The following MKRN2OS variants were observed in gnomAD, a reference collection of about 807,000 sequenced individuals.
MKRN2OS encodes the protein MKRN2 opposite strand.
MKRN2OS carries 17 observed loss-of-function variants against 18.2 expected under a neutral mutation model. That is an observed-to-expected ratio of 0.93 (90% CI 0.64 to 1.40). The LOEUF is 1.40. Ranked by LOEUF, MKRN2OS falls within the 40% of genes most tolerant of loss-of-function variation. The probability of loss-of-function intolerance (pLI) is 0.00; values close to 1 mark genes in which losing one functional copy is unlikely to be tolerated. For missense variants in MKRN2OS, 337 were observed against 283.0 expected (o/e 1.19, Z -1.37); for synonymous variants, 121 against 108.5 (o/e 1.12, Z -0.72).
intron 1 of MKRN2OS, among the ~76,000 whole-genome samples, chr3:12,556,005 T>C (rs1271024266): frequency 6.6e-6 from 1 of 151,878 alleles, no homozygotes; most frequent in South Asian, 2.1e-4. Context: ...TGGGTGGTAG[T>C]TTCATGAGTG....
chr3:12,540,829 G>T (rs1206002798), intron 3 of MKRN2OS, among the ~76,000 whole-genome samples: 2 of 138,186 alleles, frequency 1.4e-5, no homozygotes, highest in Non-Finnish European at 3.0e-5. Flanking sequence ...AGCCAAGATC[G>T]CACCACTGTA....
At chr3:12,546,666 C>T (rs1423781322), upstream of MKRN2OS, among the ~76,000 whole-genome samples, 11 of 144,390 alleles carry the variant, frequency 7.6e-5, no homozygotes, top group Admixed American at 3.6e-4. Flanking sequence ...CTGCAACCTC[C>T]GCCTCCTGGG....
At position 12,540,118 on chromosome 3, in the gene MKRN2OS, T is replaced by C. The variant is rs2057772931; in HGVS notation, c.*75A>G. The C allele has an allele frequency of 1.4e-5, 21 of 1,522,058 alleles. No homozygotes were observed. Among genetic ancestry groups the C allele is most frequent in the Non-Finnish European group, 1.8e-5 (21 of 1,136,764 alleles). 94.3% of individuals were successfully genotyped at this position (1,522,058 alleles called of 1,614,324 possible). A position where few individuals can be genotyped will look rare whatever the true frequency, so the allele number is the denominator to read the frequency against. ...CTTTTATTAACCACAGTTAAATGCA[T>C]TTAGAAATCCATAGTACTGATTAAA... On this transcript the variant is annotated 3_prime_UTR_variant, in exon 4 of 4. Coordinates refer to ENST00000564146, the MANE Select transcript of MKRN2OS (RefSeq NM_001195279.2).
At chr3:12,557,204 G>A (rs1298003212) in intron 1 of MKRN2OS, 7 of 1,532,512 alleles carry the variant, frequency 4.6e-6, no homozygotes, top group Non-Finnish European at 6.1e-6. Context: ...AGGAGCTTCG[G>A]GCCGCTCCCC....
chr3:12,560,021 T>C (rs1487304668), intron 1 of MKRN2OS, among the ~76,000 whole-genome samples: 1 of 152,210 alleles, frequency 6.6e-6, no homozygotes, highest in Non-Finnish European at 1.5e-5. Flanking sequence ...GGTTGGGCAG[T>C]TCTGGATTCT....
chr3:12,554,847 C>A (rs2057955114), intron 1 of MKRN2OS, among the ~76,000 whole-genome samples: 1 of 152,028 alleles, frequency 6.6e-6, no homozygotes, highest in Non-Finnish European at 1.5e-5. Context: ...ATAACAGTGG[C>A]CAGGTTTTGA....
At chr3:12,543,083 A>G in intron 2 of MKRN2OS, 97 bp downstream of exon 2, 1 of 969,406 alleles carries the variant, frequency 1.0e-6, no homozygotes, top group Non-Finnish European at 1.5e-6. Flanking sequence ...TGAACAATGG[A>G]ATCACTTATT....
chr3:12,548,226 A>G (rs534232878), upstream of MKRN2OS, among the ~76,000 whole-genome samples: 171 of 152,258 alleles, frequency 1.1e-3, no homozygotes, highest in Non-Finnish European at 1.6e-3. Flanking sequence ...AGGCGGGTGG[A>G]TCACGAGGTC....
chr3:12,553,204 T>C (rs2057942319), downstream of MKRN2OS, among the ~76,000 whole-genome samples: 1 of 152,126 alleles, frequency 6.6e-6, no homozygotes, highest in African/African-American at 2.4e-5. Context: ...TACCAGCACC[T>C]GGCATGGACA....
rs535516352 is a variant in MKRN2OS at position 12,555,290 on chromosome 3, T to C, written n.265-1156A>G. Among the ~76,000 whole-genome samples the C allele has an allele frequency of 1.5e-3, 184 of 126,250 alleles. 1 individual carries two copies. The highest frequency in any genetic ancestry group is 5.4e-3 in the African/African-American group (166 of 30,782). The allele number at this position is 126,250 out of a possible 152,430, so 82.8% of individuals were successfully genotyped here. ...GCATGCCACTGCACTCCAGCCTGGG[T>C]GACAGAGCAAGACTCCGTCTCAAAA... On this transcript the variant is annotated intron_variant and non_coding_transcript_variant, in intron 1 of 1. Transcript: ENST00000447550.
At chr3:12,558,079 T>G (rs2057998319) in intron 1 of MKRN2OS, among the ~76,000 whole-genome samples, 1 of 152,230 alleles carries the variant, frequency 6.6e-6, no homozygotes, top group South Asian at 2.1e-4. Context: ...CATTTAATAA[T>G]TTTTATGGGA....
Position 12,540,132 on chromosome 3 carries a change from G to T in MKRN2OS, c.*61C>A, listed in dbSNP as rs2057773192. The T allele has an allele frequency of 1.3e-6, 2 of 1,533,078 alleles. No homozygotes were observed. Among genetic ancestry groups the T allele is most frequent in the Admixed American group, 2.0e-5 (1 of 50,918 alleles). 95.0% of individuals were successfully genotyped at this position (1,533,078 alleles called of 1,614,324 possible). Reference sequence around the variant, plus strand: ...AGTTAAATGCATTTAGAAATCCATAGTACTGATTAAAGGTAGCAACCACCC... The same window carrying T: ...AGTTAAATGCATTTAGAAATCCATATTACTGATTAAAGGTAGCAACCACCC... On this transcript the variant is annotated 3_prime_UTR_variant, in exon 4 of 4. Coordinates refer to ENST00000564146, the MANE Select transcript of MKRN2OS (RefSeq NM_001195279.2).
Position 12,555,050 on chromosome 3 carries a change from C to T in MKRN2OS, n.265-916G>A, listed in dbSNP as rs183568971. ...ATGGGCTGGGCGCGGTGGCTCTCGC[C>T]CGTAATCCCAGCACTTTGGGAGGCC... On this transcript the variant is annotated intron_variant and non_coding_transcript_variant, in intron 1 of 1. Coordinates refer to the MKRN2OS transcript ENST00000447550. Among the ~76,000 whole-genome samples, 3 of 152,248 alleles carry T rather than the reference C, an allele frequency of 2.0e-5. No individual in the cohort carries two copies. In the East Asian group the frequency reaches 5.8e-4, roughly 29 times the overall value.
At chr3:12,557,013 C>A (rs963098852) in intron 1 of MKRN2OS, 9 of 973,932 alleles carry the variant, frequency 9.2e-6, no homozygotes, top group Non-Finnish European at 1.2e-5. Flanking sequence ...TACAAAGGTG[C>A]CACACCGGAG....
At chr3:12,547,711 C>A (rs1043360721), upstream of MKRN2OS, among the ~76,000 whole-genome samples, 1 of 152,088 alleles carries the variant, frequency 6.6e-6, no homozygotes, top group Admixed American at 6.6e-5. Flanking sequence ...TAATTGATGC[C>A]TGTAATTCCA....
intron 1 of MKRN2OS, among the ~76,000 whole-genome samples, chr3:12,556,654 C>A (rs370984757): frequency 1.1e-4 from 16 of 152,142 alleles, no homozygotes; most frequent in East Asian, 3.9e-4. Context: ...AAGTGGGAGG[C>A]GAGGTCCGGC....
Position 12,545,384 on chromosome 3 carries a change from C to G in MKRN2OS, c.81G>C (p.Gln27His). ...EKYIYSFSVP[Q>H]CCPLCQQDLG... ...GGTCCTGCTGGCAGAGAGGGCAGCA[C>G]TGGGGCACACTGAAGCTGTAGATGT... The change falls in exon 1 of 4, where the codon CAG (glutamine) becomes CAC (histidine). Residue 27 changes from glutamine to histidine, a missense_variant. Gln to His is a conservative substitution (Grantham distance 24). Transcript: ENST00000564146. 1 of 1,535,996 alleles carries G rather than the reference C, an allele frequency of 6.5e-7. No individual in the cohort carries two copies. The highest frequency in any genetic ancestry group is 8.7e-7 in the Non-Finnish European group (1 of 1,146,854).
downstream of MKRN2OS, among the ~76,000 whole-genome samples, chr3:12,552,447 T>A (rs1315892686): frequency 5.3e-5 from 8 of 149,956 alleles, no homozygotes; most frequent in African/African-American, 2.0e-4. Flanking sequence ...AGTCTCACTC[T>A]GTCGTCCAGG....
intron 1 of MKRN2OS, among the ~76,000 whole-genome samples, chr3:12,559,003 T>A (rs992241802): frequency 6.6e-6 from 1 of 152,240 alleles, no homozygotes; most frequent in African/African-American, 2.4e-5. Context: ...CATGCCCTCA[T>A]AGACTGTAGG....
Sources: gnomAD v4.1 joint callset for allele counts (sites outside exome capture counted in the v4.1 genomes callset) on GRCh38, gnomAD v4.1.1 for gene constraint, MANE v1.5 for transcripts, NCBI Gene and HGNC (gene_info 2026-07-23, HGNC 2026-07-21) for gene names.